Variants in CAMTA1 observed in about 807,000 individuals in gnomAD.
The protein encoded by CAMTA1 is calmodulin binding transcription activator 1.
A neutral mutation model predicts 170.9 loss-of-function variants in CAMTA1; 27 were observed. The observed-to-expected ratio is 0.16, with a 90% CI of 0.12 to 0.22. CAMTA1 has a LOEUF of 0.22. Ranked by LOEUF, CAMTA1 falls within the 10% of genes least tolerant of loss-of-function variation. CAMTA1 has a pLI of 1.00. For synonymous variants in CAMTA1, 833 were observed against 891.5 expected (o/e 0.93, Z 1.17); for missense variants, 1,619 against 2,217.2 (o/e 0.73, Z 5.42).
chr1:7,722,378 G>A (rs1414341983), intron 11 of CAMTA1, among the ~76,000 whole-genome samples: 3 of 152,272 alleles, frequency 2.0e-5, no homozygotes, highest in East Asian at 1.9e-4. Context: ...GTGACACTTC[G>A]TGGAACAGCT....
rs78084694 is a variant in CAMTA1 at position 7,050,185 on chromosome 1, C to T, written c.235-41119C>T. Among the ~76,000 whole-genome samples the T allele has an allele frequency of 0.052, 7,841 of 152,232 alleles. 626 individuals carry two copies. Among genetic ancestry groups the T allele is most frequent in the African/African-American group, 0.18 (7,393 of 41,504 alleles). On this transcript the variant is annotated intron_variant, in intron 3 of 22. Coordinates refer to ENST00000303635, the MANE Select transcript of CAMTA1 (RefSeq NM_015215.4). The surrounding 1 kb of genome is among the most constrained non-coding windows in gnomAD (Gnocchi z 4.8). The stretch of plus-strand genomic sequence containing the variant: ...GCCGGGGAAGTGACCGGCAGGGCCA[C>T]GGAGGACTCAGGCGGCTGTTCCCGG...
At chr1:7,058,330 C>G (rs1259603077) in intron 3 of CAMTA1, among the ~76,000 whole-genome samples, 1 of 152,196 alleles carries the variant, frequency 6.6e-6, no homozygotes, top group East Asian at 1.9e-4. Context: ...TTTCTCATTT[C>G]TGTCTCTTTT....
chr1:6,944,991 T>C (rs1026711831), intron 3 of CAMTA1, among the ~76,000 whole-genome samples: 1 of 152,190 alleles, frequency 6.6e-6, no homozygotes, highest in African/African-American at 2.4e-5. Context: ...CGTAGCCCCA[T>C]CGTACGTCGA....
chr1:7,602,187 A>T (rs1217216513), intron 6 of CAMTA1, among the ~76,000 whole-genome samples: 1 of 111,656 alleles, frequency 9.0e-6, no homozygotes, highest in Non-Finnish European at 1.7e-5. Context: ...CCTCCCCTCG[A>T]TTCCCTCTTT....
chr1:7,472,921 C>G (rs555011402), intron 6 of CAMTA1, among the ~76,000 whole-genome samples: 18 of 152,184 alleles, frequency 1.2e-4, no homozygotes, highest in Non-Finnish European at 2.4e-4. Context: ...CCAAAGGGCC[C>G]CCATGTCCAG....
chr1:7,119,684 C>T (rs939903579), intron 4 of CAMTA1, among the ~76,000 whole-genome samples: 1 of 152,198 alleles, frequency 6.6e-6, no homozygotes, highest in African/African-American at 2.4e-5. Flanking sequence ...CTAGACAAGA[C>T]TGAATTTCTA....
chr1:6,941,407 A>G (rs977668836), intron 3 of CAMTA1, among the ~76,000 whole-genome samples: 4 of 152,136 alleles, frequency 2.6e-5, no homozygotes, highest in East Asian at 1.9e-4. Flanking sequence ...GAGGCCAGGC[A>G]CTGGGGTGTT....
intron 3 of CAMTA1, among the ~76,000 whole-genome samples, chr1:6,900,089 C>T (rs1457117522): frequency 6.6e-6 from 1 of 152,214 alleles, no homozygotes; most frequent in Non-Finnish European, 1.5e-5. Context: ...GTTTGTTTAC[C>T]AGGCTGAAAG....
Position 6,980,434 on chromosome 1 carries a change from G to A in CAMTA1, c.235-110870G>A, listed in dbSNP as rs895403233. ...GGAGTCACGAGCCCGTGGAGTGACA[G>A]ACCCAGAGAGACTTACAGATCTTCA... On this transcript the variant is annotated intron_variant, in intron 3 of 22. Transcript: ENST00000303635. 4.9e-4 allele frequency among the ~76,000 whole-genome samples: 74 copies of A among 152,318 alleles called. 1 individual carries two copies. The highest frequency in any genetic ancestry group is 1.8e-3 in the Admixed American group (28 of 15,300).
chr1:7,449,769 C>CAAAAAAAAA (rs59913060), intron 5 of CAMTA1, among the ~76,000 whole-genome samples: 1 of 79,604 alleles, frequency 1.3e-5, no homozygotes, highest in Non-Finnish European at 2.5e-5. Flanking sequence ...GACTCGGTCT[C>CAAAAAAAAA]AAAAAAAAAA....
At chr1:7,765,408 T>C (rs1477417787) in intron 22 of CAMTA1, among the ~76,000 whole-genome samples, 1 of 152,236 alleles carries the variant, frequency 6.6e-6, no homozygotes, top group Non-Finnish European at 1.5e-5. Context: ...AATTAATAAG[T>C]AATTTGCTGA....
rs996931048 is a variant in CAMTA1 at position 7,050,388 on chromosome 1, G to A, written c.235-40916G>A. Among the ~76,000 whole-genome samples, 2 of 152,148 alleles carry A rather than the reference G, an allele frequency of 1.3e-5. No homozygotes were observed. The highest frequency in any genetic ancestry group is 2.4e-5 in the African/African-American group (1 of 41,426). On this transcript the variant is annotated intron_variant, in intron 3 of 22. Coordinates refer to ENST00000303635, the MANE Select transcript of CAMTA1 (RefSeq NM_015215.4). The surrounding 1 kb of genome is among the most constrained non-coding windows in gnomAD (Gnocchi z 4.8). ...CGGGGCCAGGGCGGAGAAGCCTGAA[G>A]CTGAGTCCCTGGGGTGCAGGGCCCA...
intron 6 of CAMTA1, among the ~76,000 whole-genome samples, chr1:7,611,681 C>T (rs1232593108): frequency 6.6e-6 from 1 of 152,234 alleles, no homozygotes; most frequent in Non-Finnish European, 1.5e-5. Context: ...TACTATCAGA[C>T]CCTTACTGTA....
chr1:7,250,282 T>G (rs1239468360), intron 5 of CAMTA1, among the ~76,000 whole-genome samples: 1 of 152,210 alleles, frequency 6.6e-6, no homozygotes, highest in Non-Finnish European at 1.5e-5. Flanking sequence ...CTTATTCCTC[T>G]TTGCCATCGT....
chr1:7,672,573 C>T (rs1386425841), intron 10 of CAMTA1, among the ~76,000 whole-genome samples: 1 of 152,156 alleles, frequency 6.6e-6, no homozygotes, highest in East Asian at 1.9e-4. Flanking sequence ...AGGCTTGTGC[C>T]ACCACACCCA....
rs1692522668 is a variant in CAMTA1 at position 6,971,450 on chromosome 1, C to T, written c.235-119854C>T. ...GTGCTATCCCAAACTGTTTGCAAGC[C>T]CCTCAGTGGGGGAGTCCGGTTTGAT... On this transcript the variant is annotated intron_variant, in intron 3 of 22. Coordinates refer to ENST00000303635, the MANE Select transcript of CAMTA1 (RefSeq NM_015215.4). This position sits in a 1 kb window ranked among gnomAD's most constrained non-coding sequence, Gnocchi z 4.6. 6.6e-6 allele frequency among the ~76,000 whole-genome samples: 1 copy of T among 152,112 alleles called. No homozygotes were observed. Among genetic ancestry groups the T allele is most frequent in the South Asian group, 2.1e-4 (1 of 4,830 alleles).
At chr1:7,236,040 A>G (rs1180291875) in intron 4 of CAMTA1, among the ~76,000 whole-genome samples, 1 of 152,194 alleles carries the variant, frequency 6.6e-6, no homozygotes, top group Non-Finnish European at 1.5e-5. Flanking sequence ...TTTCATAAAC[A>G]GCTGAGAGTG....
At chr1:6,895,791 CGATAGCCTGATGACAGGT>C (rs1675513257) in intron 3 of CAMTA1, among the ~76,000 whole-genome samples, 2 of 152,316 alleles carry the variant, frequency 1.3e-5, no homozygotes, top group South Asian at 2.1e-4. Flanking sequence ...GACCCTCCCC[CGATAGCCTGATGACAGGT>C]GATAGTCCCC....
intron 6 of CAMTA1, among the ~76,000 whole-genome samples, chr1:7,620,597 A>G (rs1558013484): frequency 6.6e-6 from 1 of 152,218 alleles, no homozygotes; most frequent in African/African-American, 2.4e-5. Flanking sequence ...CGAGTATCTT[A>G]CTGGGAGGCT....
Sources: gnomAD v4.1 joint callset for allele counts (sites outside exome capture counted in the v4.1 genomes callset) on GRCh38, gnomAD v4.1.1 for gene constraint, Gnocchi (gnomAD v3.1) non-coding constraint, MANE v1.5 for transcripts, NCBI Gene and HGNC (gene_info 2026-07-23, HGNC 2026-07-21) for gene names.